Variants in ERGIC2 observed in about 807,000 individuals in gnomAD.
ERGIC2 encodes the protein endoplasmic reticulum-Golgi intermediate compartment protein 2.
In ERGIC2, 31 loss-of-function variants were observed where a neutral mutation model predicts 52.5. That is an observed-to-expected ratio of 0.59 (90% CI 0.44 to 0.80). ERGIC2 has a LOEUF of 0.80. Ranked by LOEUF, ERGIC2 falls within the 30% of genes least tolerant of loss-of-function variation. ERGIC2 has a pLI of 0.00. For synonymous variants in ERGIC2, 129 were observed against 140.6 expected, an observed-to-expected ratio of 0.92 and a Z score of 0.58; for missense variants, 395 against 455.2, an observed-to-expected ratio of 0.87 and a Z score of 1.20.
chr12:29,373,997 CTGATT>C (rs1182022545), intron 1 of ERGIC2, among the ~76,000 whole-genome samples: 2 of 152,126 alleles, frequency 1.3e-5, no homozygotes, highest in Non-Finnish European at 1.5e-5. Flanking sequence ...TCTACTCTTT[CTGATT>C]TGAGTAAAAT....
At position 29,339,995 on chromosome 12, in the gene ERGIC2, T is replaced by C. The variant is rs760726781; in HGVS notation, c.*1161A>G. ...ACAGCTTTTAATAGTACCTGTGTGATAGCTCCCTCTCACTGTTTTTAATCT... is the reference window on the plus strand; with the variant it reads ...ACAGCTTTTAATAGTACCTGTGTGACAGCTCCCTCTCACTGTTTTTAATCT... On this transcript the variant is annotated 3_prime_UTR_variant, in exon 14 of 14. Coordinates refer to ENST00000360150, the MANE Select transcript of ERGIC2 (RefSeq NM_016570.3). 4.6e-5 allele frequency: 7 copies of C among 152,288 alleles called. No homozygotes were observed. In the East Asian group the frequency reaches 1.4e-3, roughly 29 times the overall value. 9.4% of individuals were successfully genotyped at this position (152,288 alleles called of 1,614,324 possible).
At chr12:29,359,829 C>A (rs1389415698) in intron 6 of ERGIC2, among the ~76,000 whole-genome samples, 1 of 151,682 alleles carries the variant, frequency 6.6e-6, no homozygotes, top group South Asian at 2.1e-4. Flanking sequence ...TTTATAAGTG[C>A]AAGACATAAC....
At chr12:29,341,335 T>C in intron 13 of ERGIC2, 117 bp from the exon 14 acceptor site, 1 of 766,826 alleles carries the variant, frequency 1.3e-6, no homozygotes, top group Non-Finnish European at 2.2e-6. Flanking sequence ...AAGCTACTAT[T>C]TCTCTCTCTC....
chr12:29,369,237 T>C (rs1940406267), intron 3 of ERGIC2, among the ~76,000 whole-genome samples: 1 of 151,914 alleles, frequency 6.6e-6, no homozygotes, highest in African/African-American at 2.4e-5. Context: ...AACTATGTAA[T>C]ACATAAGACT....
chr12:29,371,736 T>C (rs1591999714), intron 1 of ERGIC2, 66 bp from the exon 2 acceptor site: 1 of 712,000 alleles, frequency 1.4e-6, no homozygotes, highest in African/African-American at 1.8e-5. Flanking sequence ...TCTTTAAATT[T>C]AGGATAACTG....
At chr12:29,353,075 C>T (rs1337472039) in intron 8 of ERGIC2, among the ~76,000 whole-genome samples, 1 of 152,150 alleles carries the variant, frequency 6.6e-6, no homozygotes, top group Admixed American at 6.5e-5. Context: ...TAGGTCTAAA[C>T]ATTGTTTAAT....
chr12:29,352,312 T>C (rs1182722762), intron 8 of ERGIC2, among the ~76,000 whole-genome samples: 1 of 152,220 alleles, frequency 6.6e-6, no homozygotes, highest in Non-Finnish European at 1.5e-5. Context: ...TTAAATTTCA[T>C]ATATTTCTCA....
chr12:29,348,448 T>C (rs1940087835), intron 10 of ERGIC2, among the ~76,000 whole-genome samples: 1 of 152,012 alleles, frequency 6.6e-6, no homozygotes, highest in Non-Finnish European at 1.5e-5. Context: ...ATCAAAAACC[T>C]GCAGAAAACA....
chr12:29,344,191 A>G (rs1388801741), intron 11 of ERGIC2, among the ~76,000 whole-genome samples: 1 of 152,118 alleles, frequency 6.6e-6, no homozygotes, highest in African/African-American at 2.4e-5. Context: ...CTAATCTTCT[A>G]CTATTACAGA....
intron 3 of ERGIC2, among the ~76,000 whole-genome samples, chr12:29,369,229 C>T (rs1940406036): frequency 1.3e-5 from 2 of 151,952 alleles, no homozygotes; most frequent in Admixed American, 1.3e-4. Flanking sequence ...ATGTGGCGAA[C>T]TATGTAATAC....
intron 13 of ERGIC2, 90 bp from the exon 14 acceptor site, chr12:29,341,308 T>C: frequency 1.0e-6 from 1 of 970,166 alleles, no homozygotes; most frequent in South Asian, 1.4e-5. Context: ...TTTTGGGCAA[T>C]CCTTTCTAGT....
intron 10 of ERGIC2, 78 bp downstream of exon 10, chr12:29,349,001 A>G: frequency 1.5e-6 from 1 of 684,782 alleles, no homozygotes; most frequent in East Asian, 3.0e-5. Flanking sequence ...TTAGGAAGAC[A>G]TTAAAAATGT....
intron 1 of ERGIC2, among the ~76,000 whole-genome samples, chr12:29,378,118 A>G (rs367812763): frequency 1.3e-5 from 2 of 152,352 alleles, no homozygotes; most frequent in Non-Finnish European, 2.9e-5. Flanking sequence ...AGATGAGATC[A>G]TACTGGATCA....
intron 6 of ERGIC2, among the ~76,000 whole-genome samples, chr12:29,358,820 G>T (rs933185809): frequency 3.3e-5 from 5 of 151,948 alleles, no homozygotes; most frequent in African/African-American, 1.2e-4. Context: ...GCAAGCAGAA[G>T]ATTAAAAACT....
intron 8 of ERGIC2, among the ~76,000 whole-genome samples, chr12:29,355,725 A>G (rs1940193526): frequency 6.6e-6 from 1 of 152,170 alleles, no homozygotes. Flanking sequence ...ACAAAAACCT[A>G]ATAACATACC....
At chr12:29,365,497 A>G (rs996498) in intron 5 of ERGIC2, among the ~76,000 whole-genome samples, 53,291 of 151,568 alleles carry the variant, frequency 0.35, 11,250 homozygotes, top group African/African-American at 0.6. Flanking sequence ...AAAAACTACT[A>G]GTTATTATGC....
intron 1 of ERGIC2, chr12:29,372,986 A>C (rs969560471): frequency 6.6e-6 from 1 of 152,092 alleles, no homozygotes; most frequent in African/African-American, 2.4e-5. Context: ...TAAAAAAAAA[A>C]AAATTAATGA....
At chr12:29,343,923 C>T (rs946108289) in intron 11 of ERGIC2, among the ~76,000 whole-genome samples, 2 of 152,120 alleles carry the variant, frequency 1.3e-5, no homozygotes, top group Admixed American at 1.3e-4. Context: ...CCCTCCCACC[C>T]CCTATCCTGC....
chr12:29,361,776 T>C (rs1018966363), intron 5 of ERGIC2, 91 bp from the exon 6 acceptor site: 2 of 976,434 alleles, frequency 2.0e-6, no homozygotes, highest in East Asian at 2.6e-5. Context: ...GCAGGAAACA[T>C]AAACTTAAGT....
Sources: gnomAD v4.1 joint callset for allele counts (sites outside exome capture counted in the v4.1 genomes callset) on GRCh38, gnomAD v4.1.1 for gene constraint, MANE v1.5 for transcripts, NCBI Gene and HGNC (gene_info 2026-07-23, HGNC 2026-07-21) for gene names.